The following STARD13 variants were observed in gnomAD, a reference collection of about 807,000 sequenced individuals.
STARD13 encodes StAR related lipid transfer domain containing 13, also known as stAR-related lipid transfer protein 13.
Under a neutral mutation model 106.4 loss-of-function variants are expected in STARD13, and 62 were observed. The observed-to-expected ratio is 0.58, with a 90% confidence interval of 0.48 to 0.72. The LOEUF is 0.72. Among genes scored for constraint, STARD13 ranks in the 30% least tolerant of loss-of-function variants. The pLI, the probability that STARD13 is intolerant of heterozygous loss-of-function variation, is 0.00. For missense variants in STARD13, 1,387 were observed against 1,424.0 expected, an observed-to-expected ratio of 0.97 and a Z score of 0.42; for synonymous variants, 565 against 553.0, an observed-to-expected ratio of 1.02 and a Z score of -0.31.
chr13:33,599,327 C>T, the STARD13 span, among the ~76,000 whole-genome samples: 1 of 152,124 alleles, frequency 6.6e-6, no homozygotes, highest in Non-Finnish European at 1.5e-5. Context: ...CAAAGAATAC[C>T]TGAAACTCTT....
chr13:33,372,508 T>C, the STARD13 span, among the ~76,000 whole-genome samples: 1 of 141,622 alleles, frequency 7.1e-6, no homozygotes, highest in Non-Finnish European at 1.6e-5. Flanking sequence ...AATGACTTTC[T>C]CTTGTCTGAC....
chr13:33,140,995 T>A (rs753334355), intron 4 of STARD13, among the ~76,000 whole-genome samples: 5 of 152,222 alleles, frequency 3.3e-5, no homozygotes, highest in Non-Finnish European at 7.3e-5. Context: ...TGACCTCAGA[T>A]GATCCACCTG....
chr13:33,107,061 T>C, intron 12 of STARD13, 127 bp from the exon 13 acceptor site: 1 of 845,408 alleles, frequency 1.2e-6, no homozygotes, highest in East Asian at 2.5e-5. Context: ...TGCTAGTGAC[T>C]TGGATTAAGC....
chr13:33,652,528 G>A, the STARD13 span, among the ~76,000 whole-genome samples: 2 of 152,178 alleles, frequency 1.3e-5, no homozygotes, highest in Non-Finnish European at 2.9e-5. Flanking sequence ...GGTACAGAAA[G>A]TAAAACTCTT....
At chr13:33,214,029 C>T (rs1265802821) in intron 1 of STARD13, among the ~76,000 whole-genome samples, 7 of 152,134 alleles carry the variant, frequency 4.6e-5, no homozygotes, top group South Asian at 2.1e-4. Context: ...TCACCTCTCC[C>T]GGCCTCACCC....
At chr13:33,435,577 G>T in the STARD13 span, among the ~76,000 whole-genome samples, 1 of 152,038 alleles carries the variant, frequency 6.6e-6, no homozygotes, top group Non-Finnish European at 1.5e-5. Flanking sequence ...TACATATATA[G>T]CCATAGGAAA....
the STARD13 span, among the ~76,000 whole-genome samples, chr13:33,606,019 G>A: frequency 1.3e-5 from 2 of 152,158 alleles, no homozygotes. Context: ...AAGGTGACAG[G>A]CCAAGCACGG....
At chr13:33,271,810 A>G (rs562805678) in intron 1 of STARD13, among the ~76,000 whole-genome samples, 92 of 151,166 alleles carry the variant, frequency 6.1e-4, no homozygotes, top group South Asian at 2.1e-3. Flanking sequence ...TAATGATGGG[A>G]AAAAAAAAGC....
the STARD13 span, among the ~76,000 whole-genome samples, chr13:33,571,406 GTAGA>G: frequency 6.6e-6 from 1 of 152,102 alleles, no homozygotes; most frequent in Non-Finnish European, 1.5e-5. Context: ...TGTCTAGTGT[GTAGA>G]TAGTTAAAAA....
chr13:33,376,350 G>A, the STARD13 span, among the ~76,000 whole-genome samples: 1 of 152,210 alleles, frequency 6.6e-6, no homozygotes, highest in African/African-American at 2.4e-5. Context: ...TTGTCCTCCT[G>A]TAGTTTATGA....
chr13:33,251,256 T>C (rs1337784153), intron 1 of STARD13, among the ~76,000 whole-genome samples: 3 of 152,216 alleles, frequency 2.0e-5, no homozygotes, highest in African/African-American at 7.2e-5. Flanking sequence ...ACAGGCCGCC[T>C]GGGATTCTTT....
At chr13:33,649,439 T>G in the STARD13 span, among the ~76,000 whole-genome samples, 1 of 152,202 alleles carries the variant, frequency 6.6e-6, no homozygotes, top group South Asian at 2.1e-4. Flanking sequence ...CATAACGTCA[T>G]CTTGTGTATT....
At chr13:33,127,349 C>T in intron 6 of STARD13, 24 bp downstream of exon 6, 2 of 1,547,162 alleles carry the variant, frequency 1.3e-6, no homozygotes, top group African/African-American at 1.4e-5. Flanking sequence ...CAAGGATCCC[C>T]TCCTAGGTGA....
chr13:33,220,561 G>A (rs1039651939), intron 1 of STARD13, among the ~76,000 whole-genome samples: 6 of 152,098 alleles, frequency 3.9e-5, no homozygotes, highest in South Asian at 2.1e-4. Context: ...GTGTGGTGGC[G>A]GGTGCCTGTA....
chr13:33,440,994 G>A, the STARD13 span, among the ~76,000 whole-genome samples: 3 of 151,282 alleles, frequency 2.0e-5, no homozygotes, highest in African/African-American at 4.9e-5. Context: ...AAAACTCAAC[G>A]TCCTCTCCTC....
the STARD13 span, among the ~76,000 whole-genome samples, chr13:33,553,084 C>T: frequency 6.6e-6 from 1 of 152,026 alleles, no homozygotes; most frequent in Non-Finnish European, 1.5e-5. Flanking sequence ...ATTAAAAATA[C>T]ATTGCCAAAC....
chr13:33,374,588 G>C, the STARD13 span, among the ~76,000 whole-genome samples: 32 of 152,142 alleles, frequency 2.1e-4, no homozygotes, highest in African/African-American at 7.7e-4. Context: ...TAAATACTAT[G>C]GTGTTCAGGG....
the STARD13 span, among the ~76,000 whole-genome samples, chr13:33,544,713 G>A: frequency 6.6e-6 from 1 of 150,518 alleles, no homozygotes; most frequent in Non-Finnish European, 1.5e-5. Context: ...GATAATTACT[G>A]ATGAATCATT....
chr13:33,608,481 T>A, the STARD13 span, among the ~76,000 whole-genome samples: 1 of 152,126 alleles, frequency 6.6e-6, no homozygotes, highest in Non-Finnish European at 1.5e-5. Flanking sequence ...TCCATAAGAC[T>A]TTATAAAATT....
Sources: allele counts gnomAD v4.1 joint callset (sites outside exome capture counted in the v4.1 genomes callset), GRCh38; gene constraint gnomAD v4.1.1; transcripts MANE v1.5; gene names NCBI Gene and HGNC (gene_info 2026-07-23, HGNC 2026-07-21).